The following PPP1R12A variants were observed in gnomAD, a reference collection of about 807,000 sequenced individuals.
PPP1R12A encodes myosin binding subunit.
A neutral mutation model predicts 139.6 loss-of-function variants in PPP1R12A; 19 were observed. That is an observed-to-expected ratio of 0.14 (90% CI 0.09 to 0.20). PPP1R12A has a LOEUF of 0.20. Among genes scored for constraint, PPP1R12A ranks in the 10% least tolerant of loss-of-function variants. The pLI, the probability that PPP1R12A is intolerant of heterozygous loss-of-function variation, is 1.00. For missense variants in PPP1R12A, 925 were observed against 1,211.5 expected (o/e 0.76, Z 3.51); for synonymous variants, 427 against 420.6 (o/e 1.02, Z -0.19).
intron 1 of PPP1R12A, among the ~76,000 whole-genome samples, chr12:79,926,546 AAAGT>A (rs1280509264): frequency 6.6e-6 from 1 of 152,198 alleles, no homozygotes; most frequent in African/African-American, 2.4e-5. Flanking sequence ...AAGTATTATA[AAAGT>A]AAGTGGTTGA....
At chr12:79,830,140 A>C (rs1368259789) in intron 4 of PPP1R12A, among the ~76,000 whole-genome samples, 1 of 151,964 alleles carries the variant, frequency 6.6e-6, no homozygotes, top group African/African-American at 2.4e-5. Context: ...TAGGGACATC[A>C]CTCTCTCACC....
intron 2 of PPP1R12A, among the ~76,000 whole-genome samples, chr12:79,871,391 A>G (rs755315619): frequency 8.5e-5 from 13 of 152,238 alleles, no homozygotes; most frequent in Admixed American, 2.0e-4. Flanking sequence ...ATAAGAATTA[A>G]ACATCTGAAG....
intron 5 of PPP1R12A, chr12:79,825,002 C>T (rs1876591994): frequency 6.6e-6 from 1 of 152,112 alleles, no homozygotes; most frequent in Non-Finnish European, 1.5e-5. Context: ...ACAACCTCTT[C>T]ATCTTCACAA....
chr12:79,807,371 A>G, intron 11 of PPP1R12A, 41 bp from the exon 12 acceptor site: 1 of 1,277,980 alleles, frequency 7.8e-7, no homozygotes, highest in Non-Finnish European at 1.1e-6. Context: ...ACATAATTTT[A>G]AAATAGGATT....
intron 6 of PPP1R12A, 125 bp from the exon 7 acceptor site, chr12:79,821,291 T>TA (rs2137114364): frequency 1.6e-6 from 1 of 635,580 alleles, no homozygotes; most frequent in African/African-American, 1.9e-5. Flanking sequence ...AAGAAATAAA[T>TA]AAATTAAGTT....
chr12:79,832,095 A>G lies in PPP1R12A; in HGVS notation c.647+237T>C, dbSNP rs111325323. On this transcript the variant is annotated intron_variant, in intron 4 of 24. Coordinates refer to ENST00000450142, the MANE Select transcript of PPP1R12A (RefSeq NM_002480.3). ...CAGAGAATAGGTGACTGACACTTAA[A>G]TTCAACTTACTGGAAAATCACAACT... Among the ~76,000 whole-genome samples the G allele has an allele frequency of 9.7e-3, 1,480 of 152,306 alleles. 31 individuals are homozygous for G. Among genetic ancestry groups the G allele is most frequent in the African/African-American group, 0.034 (1,425 of 41,572 alleles).
intron 5 of PPP1R12A, among the ~76,000 whole-genome samples, chr12:79,827,565 T>C (rs1876944130): frequency 6.6e-6 from 1 of 152,156 alleles, no homozygotes; most frequent in Admixed American, 6.5e-5. Context: ...AGGAAGAGAC[T>C]AGCAGGAATA....
At chr12:79,835,711 C>T (rs958423450) in intron 3 of PPP1R12A, among the ~76,000 whole-genome samples, 1 of 152,278 alleles carries the variant, frequency 6.6e-6, no homozygotes, top group African/African-American at 2.4e-5. Context: ...AAAGCTCAAG[C>T]TCTTTAGTAT....
At chr12:79,846,261 A>G (rs1248193707) in intron 2 of PPP1R12A, among the ~76,000 whole-genome samples, 1 of 152,194 alleles carries the variant, frequency 6.6e-6, no homozygotes, top group Non-Finnish European at 1.5e-5. Context: ...TTTTATTTTA[A>G]GCATCCAAAA....
intron 1 of PPP1R12A, among the ~76,000 whole-genome samples, chr12:79,885,621 A>C (rs1172582884): frequency 1.3e-5 from 2 of 152,186 alleles, no homozygotes; most frequent in Non-Finnish European, 2.9e-5. Flanking sequence ...ACTTTTCTGC[A>C]AACTCATTCA....
chr12:79,843,623 GATA>G, intron 3 of PPP1R12A, among the ~76,000 whole-genome samples: 1 of 79,890 alleles, frequency 1.3e-5, no homozygotes, highest in Non-Finnish European at 2.3e-5. Flanking sequence ...TATAGATATA[GATA>G]TAGATATAGA....
At chr12:79,784,942 G>A (rs999755524) in intron 22 of PPP1R12A, among the ~76,000 whole-genome samples, 66 of 152,070 alleles carry the variant, frequency 4.3e-4, no homozygotes, top group African/African-American at 1.5e-3. Flanking sequence ...CCTGGCTGCA[G>A]TGGACATCTT....
intron 1 of PPP1R12A, among the ~76,000 whole-genome samples, chr12:79,928,025 A>G (rs921770615): frequency 2.6e-5 from 4 of 152,238 alleles, no homozygotes; most frequent in African/African-American, 7.2e-5. Flanking sequence ...GTAACAAAAC[A>G]ACGTTTTATG....
intron 12 of PPP1R12A, chr12:79,806,828 A>C (rs964880130): frequency 6.1e-6 from 1 of 164,270 alleles, no homozygotes; most frequent in African/African-American, 2.4e-5. Context: ...CTTCAATATG[A>C]TACTACCAAC....
chr12:79,849,609 A>G (rs1419986666), intron 2 of PPP1R12A, among the ~76,000 whole-genome samples: 1 of 152,108 alleles, frequency 6.6e-6, no homozygotes, highest in African/African-American at 2.4e-5. Context: ...TGGAAAGAAA[A>G]CAAACAAACA....
chr12:79,778,722 T>C lies in PPP1R12A; in HGVS notation c.2956-122A>G, dbSNP rs1592597860. On this transcript the variant is annotated intron_variant, in intron 23 of 24. Coordinates refer to ENST00000450142, the MANE Select transcript of PPP1R12A (RefSeq NM_002480.3). ...CCAATCAGGAGCAGTGTAGAAAAGATGTGATGCCAGTGATATGTAAAGAGC... is the reference window on the plus strand; with the variant it reads ...CCAATCAGGAGCAGTGTAGAAAAGACGTGATGCCAGTGATATGTAAAGAGC... The C allele has an allele frequency of 1.0e-5, 6 of 583,428 alleles. No individual in the cohort carries two copies. In the East Asian group the frequency reaches 1.8e-4, roughly 18 times the overall value. 36.1% of individuals were successfully genotyped at this position (583,428 alleles called of 1,614,324 possible).
chr12:79,820,666 C>G, intron 8 of PPP1R12A, 108 bp downstream of exon 8: 1 of 1,153,242 alleles, frequency 8.7e-7, no homozygotes, highest in African/African-American at 1.5e-5. Flanking sequence ...TGGCAGGTAT[C>G]TAAACAAGTA....
At position 79,796,811 on chromosome 12, in the gene PPP1R12A, G is replaced by T; in HGVS notation, c.2432C>A (p.Ser811Tyr). 1 of 1,610,404 alleles carries T rather than the reference G, an allele frequency of 6.2e-7. No individual in the cohort carries two copies. ...TTCATTTTCTTTTGTTATTCCTCTG[G>T]AGTAAGCAGAAGTTATGCCTACAAG... ...NSLVGITSAY[S>Y]RGITKENERE... The change falls in exon 17 of 25, where the codon TCC becomes TAC. Residue 811 changes from serine (S) to tyrosine (Y), a missense_variant. This residue lies in a region of PPP1R12A where 315 missense variants were observed against 363.4 expected (regional missense o/e 0.87). Coordinates refer to ENST00000450142, the MANE Select transcript of PPP1R12A (RefSeq NM_002480.3).
At chr12:79,879,360 T>C (rs1883414691) in intron 1 of PPP1R12A, among the ~76,000 whole-genome samples, 1 of 151,784 alleles carries the variant, frequency 6.6e-6, no homozygotes. Flanking sequence ...AGAGCAAGAC[T>C]GTCTCAAAAA....
Sources: gnomAD v4.1 joint callset for allele counts (sites outside exome capture counted in the v4.1 genomes callset) on GRCh38, gnomAD v4.1.1 for gene constraint, gnomAD v4.1.1 regional missense constraint, MANE v1.5 for transcripts, NCBI Gene and HGNC (gene_info 2026-07-23, HGNC 2026-07-21) for gene names.